PDSS2: variants seen among roughly 807,000 people sequenced by gnomAD.
The protein encoded by PDSS2 is decaprenyl diphosphate synthase subunit 2.
A neutral mutation model predicts 44.5 loss-of-function variants in PDSS2; 31 were observed. The ratio of observed to expected loss-of-function variants is 0.70; its 90% CI spans 0.52 to 0.94. PDSS2 has a LOEUF of 0.94. Among genes scored for constraint, PDSS2 ranks in the 40% least tolerant of loss-of-function variants. The probability of loss-of-function intolerance (pLI) is 0.00; values close to 1 mark genes in which losing one functional copy is unlikely to be tolerated. For missense variants in PDSS2, 452 were observed against 482.2 expected (o/e 0.94, Z 0.59); for synonymous variants, 157 against 180.3 (o/e 0.87, Z 1.03).
At chr6:107,379,575 G>GTAT (rs1437453562) in intron 1 of PDSS2, among the ~76,000 whole-genome samples, 4 of 152,060 alleles carry the variant, frequency 2.6e-5, no homozygotes, top group Non-Finnish European at 4.4e-5. Context: ...TATAAATGTG[G>GTAT]TTGCTGTGTT....
intron 6 of PDSS2, among the ~76,000 whole-genome samples, chr6:107,205,194 C>T (rs1772930474): frequency 6.6e-6 from 1 of 152,194 alleles, no homozygotes; most frequent in East Asian, 1.9e-4. Context: ...AGTAAGCTAT[C>T]TAGGGACAAG....
At chr6:107,192,143 G>C (rs1772402100) in intron 7 of PDSS2, among the ~76,000 whole-genome samples, 1 of 152,208 alleles carries the variant, frequency 6.6e-6, no homozygotes, top group African/African-American at 2.4e-5. Flanking sequence ...TCATGCCTGT[G>C]GGAGACCCAA....
intron 3 of PDSS2, among the ~76,000 whole-genome samples, chr6:107,252,364 A>G (rs1217840734): frequency 6.6e-6 from 1 of 152,100 alleles, no homozygotes; most frequent in Non-Finnish European, 1.5e-5. Context: ...TTTTGAAGGG[A>G]GCCTTTTCAG....
At chr6:107,229,397 C>A (rs989185755) in intron 4 of PDSS2, among the ~76,000 whole-genome samples, 4 of 152,068 alleles carry the variant, frequency 2.6e-5, no homozygotes, top group Non-Finnish European at 5.9e-5. Context: ...ATAAGCCAGG[C>A]TGGTCTCAAA....
At chr6:107,333,412 C>T (rs1211280903) in intron 2 of PDSS2, among the ~76,000 whole-genome samples, 1 of 152,038 alleles carries the variant, frequency 6.6e-6, no homozygotes, top group East Asian at 1.9e-4. Flanking sequence ...TACATACTTA[C>T]AAATTTGTTT....
chr6:107,403,137 G>A (rs527325430), intron 1 of PDSS2, among the ~76,000 whole-genome samples: 2 of 152,138 alleles, frequency 1.3e-5, no homozygotes, highest in South Asian at 4.1e-4. Flanking sequence ...GGGAGTACAG[G>A]CATTGGGTAA....
At chr6:107,293,188 GC>G (rs1219805324) in intron 2 of PDSS2, among the ~76,000 whole-genome samples, 1 of 152,108 alleles carries the variant, frequency 6.6e-6, no homozygotes, top group African/African-American at 2.4e-5. Context: ...CTAGTGATGA[GC>G]ACATAAAGCT....
Position 107,345,618 on chromosome 6 carries a change from T to C in PDSS2, c.297-11286A>G, listed in dbSNP as rs571362869. On this transcript the variant is annotated intron_variant, in intron 1 of 7. Transcript: ENST00000369037. ...TTGGGGGAAATGATGAAATACTTTA[T>C]AGAGTAACAGATAATACCTCAAGGG... Among the ~76,000 whole-genome samples, 24 of 151,556 alleles carry C rather than the reference T, an allele frequency of 1.6e-4. No individual in the cohort carries two copies. The East Asian group carries it at 3.9e-3, about 25-fold the overall frequency.
At chr6:107,187,572 G>C (rs1289977782) in intron 7 of PDSS2, among the ~76,000 whole-genome samples, 1 of 152,064 alleles carries the variant, frequency 6.6e-6, no homozygotes, top group African/African-American at 2.4e-5. Context: ...GGCTGAGGTA[G>C]GAGATTGCTT....
At chr6:107,455,151 A>G (rs1781995179) in intron 1 of PDSS2, among the ~76,000 whole-genome samples, 1 of 151,140 alleles carries the variant, frequency 6.6e-6, no homozygotes, top group Admixed American at 6.6e-5. Flanking sequence ...ACTGTACTAT[A>G]GTACTACAAG....
chr6:107,286,006 G>A (rs887285709), intron 2 of PDSS2, among the ~76,000 whole-genome samples: 1 of 152,034 alleles, frequency 6.6e-6, no homozygotes, highest in Non-Finnish European at 1.5e-5. Context: ...TGGGCTTGGT[G>A]GCGGGTGCCT....
At chr6:107,429,602 A>G (rs1781106636) in intron 1 of PDSS2, among the ~76,000 whole-genome samples, 1 of 151,924 alleles carries the variant, frequency 6.6e-6, no homozygotes, top group Non-Finnish European at 1.5e-5. Flanking sequence ...TACTAAACCT[A>G]GGGTGGGCGC....
At chr6:107,239,179 A>AG (rs1441825553) in intron 4 of PDSS2, among the ~76,000 whole-genome samples, 2 of 152,172 alleles carry the variant, frequency 1.3e-5, no homozygotes, top group African/African-American at 4.8e-5. Flanking sequence ...TGGGAGGCTG[A>AG]GGCAGGAGAA....
chr6:107,367,151 T>C (rs376240706), intron 1 of PDSS2, among the ~76,000 whole-genome samples: 1 of 152,192 alleles, frequency 6.6e-6, no homozygotes. Flanking sequence ...GTGGGATTCA[T>C]CCCAGGGATG....
intron 7 of PDSS2, among the ~76,000 whole-genome samples, chr6:107,158,301 C>A (rs1456206707): frequency 2.6e-5 from 4 of 151,788 alleles, no homozygotes; most frequent in African/African-American, 9.7e-5. Flanking sequence ...TTCTCTGCGT[C>A]AGCCTCCCGA....
intron 1 of PDSS2, among the ~76,000 whole-genome samples, chr6:107,408,741 C>T (rs1780399740): frequency 6.6e-6 from 1 of 152,170 alleles, no homozygotes; most frequent in Admixed American, 6.5e-5. Context: ...ACCATGCCTT[C>T]TGAATTTTCA....
chr6:107,242,192 G>A (rs899740109), intron 4 of PDSS2, among the ~76,000 whole-genome samples: 1 of 152,148 alleles, frequency 6.6e-6, no homozygotes, highest in Admixed American at 6.5e-5. Flanking sequence ...CACAAATGGA[G>A]GCATCAAGAA....
Position 107,459,148 on chromosome 6 carries a change from C to A in PDSS2, c.138G>T (p.Pro46=). The A allele has an allele frequency of 6.2e-7, 1 of 1,614,040 alleles. No individual in the cohort carries two copies. The highest frequency in any genetic ancestry group is 8.5e-7 in the Non-Finnish European group (1 of 1,180,008). Residue 46 remains proline, a synonymous_variant, in exon 1 of 8, where the codon CCG becomes CCT. Transcript: ENST00000369037. This position sits in a 1 kb window ranked among gnomAD's most constrained non-coding sequence, Gnocchi z 4.3. ...GSWRGRSSKS[P]AHWNQVVSEA... ...CTGACACTACCTGATTCCAGTGGGCCGGGGACTTGGAGGACCGACCACGCC... is the reference window on the plus strand; with the variant it reads ...CTGACACTACCTGATTCCAGTGGGCAGGGGACTTGGAGGACCGACCACGCC...
chr6:107,443,137 C>T (rs1781560040), intron 1 of PDSS2, among the ~76,000 whole-genome samples: 1 of 152,200 alleles, frequency 6.6e-6, no homozygotes, highest in African/African-American at 2.4e-5. Context: ...TTAGAGAACA[C>T]ACTTAACTAG....
Sources: allele counts gnomAD v4.1 joint callset (sites outside exome capture counted in the v4.1 genomes callset), GRCh38; gene constraint gnomAD v4.1.1; non-coding constraint Gnocchi (gnomAD v3.1); transcripts MANE v1.5; gene names NCBI Gene and HGNC (gene_info 2026-07-23, HGNC 2026-07-21).